Variants in CACNA1C observed in about 807,000 individuals in gnomAD.
CACNA1C encodes voltage-dependent L-type calcium channel subunit alpha-1C.
Under a neutral mutation model 229.0 loss-of-function variants are expected in CACNA1C, and 30 were observed. The ratio of observed to expected loss-of-function variants is 0.13; its 90% CI spans 0.10 to 0.18. The LOEUF (loss-of-function observed/expected upper bound fraction) is 0.18, where lower values mean the gene tolerates loss of function less well. Among genes scored for constraint, CACNA1C ranks in the 10% least tolerant of loss-of-function variants. CACNA1C has a pLI of 1.00. For synonymous variants in CACNA1C, 1,114 were observed against 1,132.5 expected (o/e 0.98, Z 0.33); for missense variants, 1,658 against 2,845.0 (o/e 0.58, Z 9.49).
At chr12:2,096,255 A>G (rs2073915463) in intron 1 of CACNA1C, among the ~76,000 whole-genome samples, 1 of 152,240 alleles carries the variant, frequency 6.6e-6, no homozygotes, top group Non-Finnish European at 1.5e-5. Flanking sequence ...ATGTTTGTGC[A>G]TGTGCACATA....
intron 3 of CACNA1C, among the ~76,000 whole-genome samples, chr12:2,326,778 C>T (rs921116068): frequency 6.6e-6 from 1 of 152,198 alleles, no homozygotes; most frequent in African/African-American, 2.4e-5. Context: ...GATACTTGAT[C>T]GATCTCTCCT....
chr12:2,251,351 AG>A (rs1192670977), intron 3 of CACNA1C, among the ~76,000 whole-genome samples: 2 of 152,188 alleles, frequency 1.3e-5, no homozygotes, highest in African/African-American at 4.8e-5. Flanking sequence ...CCAGCTTTCT[AG>A]TACAGTGATC....
At chr12:2,684,199 G>C (rs1212030046) in intron 43 of CACNA1C, among the ~76,000 whole-genome samples, 1 of 152,280 alleles carries the variant, frequency 6.6e-6, no homozygotes, top group East Asian at 1.9e-4. Context: ...CTTTTCCCCA[G>C]CATAGAAAGA....
intron 3 of CACNA1C, among the ~76,000 whole-genome samples, chr12:2,298,198 C>G (rs2094235182): frequency 6.6e-6 from 1 of 152,226 alleles, no homozygotes; most frequent in African/African-American, 2.4e-5. Flanking sequence ...CCTGCCCTCC[C>G]CATGACAAGT....
intron 1 of CACNA1C, among the ~76,000 whole-genome samples, chr12:1,986,231 T>G (rs1333506156): frequency 6.6e-6 from 1 of 152,234 alleles, no homozygotes; most frequent in Non-Finnish European, 1.5e-5. Flanking sequence ...TGGGTTCTGT[T>G]ACATGTATGT....
intron 6 of CACNA1C, among the ~76,000 whole-genome samples, chr12:2,489,014 G>A (rs2099707594): frequency 6.6e-6 from 1 of 152,228 alleles, no homozygotes; most frequent in South Asian, 2.1e-4. Context: ...CCGTGGAGTA[G>A]AAGACCAAAT....
chr12:2,541,123 C>T (rs1452696574), intron 9 of CACNA1C, among the ~76,000 whole-genome samples: 1 of 152,174 alleles, frequency 6.6e-6, no homozygotes, highest in Non-Finnish European at 1.5e-5. Flanking sequence ...AGCCCACCCT[C>T]ATGACCTCAT....
rs138805779 is a variant in CACNA1C, at chr12:2,630,952, A to G, written c.3829-3345A>G. Reference sequence around the variant, plus strand: ...GAGGGGGCTCCCATGGTCAAGAAAGAGGGGGCTGTGCCTTCTGTCTGCACA... The same window carrying G: ...GAGGGGGCTCCCATGGTCAAGAAAGGGGGGGCTGTGCCTTCTGTCTGCACA... On this transcript the variant is annotated intron_variant, in intron 29 of 46. Transcript: ENST00000399655. This position sits in a 1 kb window ranked among gnomAD's most constrained non-coding sequence, Gnocchi z 5.4. 1.4e-3 allele frequency among the ~76,000 whole-genome samples: 217 copies of G among 152,226 alleles called. 1 individual carries two copies. The highest frequency in any genetic ancestry group is 4.8e-3 in the African/African-American group (201 of 41,516).
At chr12:2,551,074 G>C (rs1452685432) in intron 10 of CACNA1C, among the ~76,000 whole-genome samples, 1 of 152,210 alleles carries the variant, frequency 6.6e-6, no homozygotes, top group African/African-American at 2.4e-5. Flanking sequence ...ACAAGCACTT[G>C]AGTTTCTGGA....
intron 10 of CACNA1C, among the ~76,000 whole-genome samples, chr12:2,553,893 C>T (rs1193266938): frequency 3.9e-5 from 6 of 152,182 alleles, no homozygotes; most frequent in African/African-American, 9.7e-5. Flanking sequence ...AATTCTATGC[C>T]GTGCAAGGGC....
At chr12:1,999,126 C>T (rs919746315) in intron 1 of CACNA1C, among the ~76,000 whole-genome samples, 22 of 152,192 alleles carry the variant, frequency 1.4e-4, no homozygotes, top group Non-Finnish European at 3.2e-4. Context: ...AGCTCTTGGG[C>T]TCCTGCCCAA....
At chr12:2,093,573 A>C (rs2072403693) in intron 1 of CACNA1C, among the ~76,000 whole-genome samples, 1 of 152,206 alleles carries the variant, frequency 6.6e-6, no homozygotes, top group Non-Finnish European at 1.5e-5. Flanking sequence ...GCATGTACTC[A>C]AGGGTGACTG....
At position 2,557,996 on chromosome 12, in the gene CACNA1C, A is replaced by G. The variant is rs1490572426; in HGVS notation, c.1508+1019A>G. Among the ~76,000 whole-genome samples the G allele has an allele frequency of 2.0e-5, 3 of 152,370 alleles. No homozygotes were observed. The South Asian group carries it at 6.2e-4, about 32-fold the overall frequency. On this transcript the variant is annotated intron_variant, in intron 11 of 46. Coordinates refer to ENST00000399655, the MANE Select transcript of CACNA1C (RefSeq NM_000719.7). ...TGCCAAAAAATATTGGTTATTTTTC[A>G]TAATTGAGCTAATCTTGTTTCCCTA... is the stretch of plus-strand genomic sequence containing the variant.
rs1555599597 is a variant in CACNA1C at position 2,448,984 on chromosome 12, G to A, written c.486G>A (p.Val162=). The A allele has an allele frequency of 5.6e-6, 9 of 1,607,888 alleles. No homozygotes were observed. Among genetic ancestry groups the A allele is most frequent in the Non-Finnish European group, 7.7e-6 (9 of 1,175,850 alleles). Residue 162 remains valine, a synonymous_variant, in exon 4 of 47, where the codon GTG becomes GTA. Transcript: ENST00000399655. Reference sequence around the variant, plus strand: ...CTATTTCTGTTTCCTAGGAACGAGTGGAATATCTCTTTCTCATAATTTTTA... The same window carrying A: ...CTATTTCTGTTTCCTAGGAACGAGTAGAATATCTCTTTCTCATAATTTTTA... ...SNATNSNLER[V]EYLFLIIFTV... is the part of the protein sequence containing the mutation.
chr12:2,183,279 C>A lies in CACNA1C; in HGVS notation c.477+62849C>A, dbSNP rs115321172. On this transcript the variant is annotated intron_variant, in intron 3 of 46. Coordinates refer to ENST00000399655, the MANE Select transcript of CACNA1C (RefSeq NM_000719.7). ...AAAAGAAAAAAGAAAGTTTTCTTCC[C>A]TTCCTGACCTTGTAGGAGAACAGAG... Among the ~76,000 whole-genome samples, 131 of 152,240 alleles carry A rather than the reference C, an allele frequency of 8.6e-4. 1 individual carries two copies. The highest frequency in any genetic ancestry group is 3.0e-3 in the African/African-American group (125 of 41,540).
chr12:2,068,351 G>A (rs1445942052), intron 1 of CACNA1C, among the ~76,000 whole-genome samples: 4 of 152,196 alleles, frequency 2.6e-5, no homozygotes, highest in African/African-American at 9.7e-5. Context: ...GTGTGGGGGA[G>A]GGTTGTGAGT....
At chr12:1,993,500 C>T in intron 1 of CACNA1C, 7 of 1,385,406 alleles carry the variant, frequency 5.1e-6, no homozygotes, top group Non-Finnish European at 9.8e-7. Context: ...TTTGTATATG[C>T]AGCTTTATAT....
At chr12:2,334,905 G>T (rs1025270380) in intron 3 of CACNA1C, among the ~76,000 whole-genome samples, 1 of 152,126 alleles carries the variant, frequency 6.6e-6, no homozygotes, top group Non-Finnish European at 1.5e-5. Flanking sequence ...AGATAAGACC[G>T]TAACGCCTTT....
chr12:2,479,078 A>T lies in CACNA1C; in HGVS notation c.758-7026A>T, dbSNP rs1274708006. On this transcript the variant is annotated intron_variant, in intron 5 of 46. Coordinates refer to ENST00000399655, the MANE Select transcript of CACNA1C (RefSeq NM_000719.7). The surrounding 1 kb of genome is among the most constrained non-coding windows in gnomAD (Gnocchi z 4.3). ...TGTGGGAGAAGCTGGTGTTTGATCT[A>T]CATTTTCTTAGAATCTGCATCGCAA... 6.6e-6 allele frequency among the ~76,000 whole-genome samples: 1 copy of T among 152,026 alleles called. No homozygotes were observed. Among genetic ancestry groups the T allele is most frequent in the Non-Finnish European group, 1.5e-5 (1 of 68,022 alleles).
Sources: allele counts gnomAD v4.1 joint callset (sites outside exome capture counted in the v4.1 genomes callset), GRCh38; gene constraint gnomAD v4.1.1; non-coding constraint Gnocchi (gnomAD v3.1); transcripts MANE v1.5; gene names NCBI Gene and HGNC (gene_info 2026-07-23, HGNC 2026-07-21).